Variants in ASPH observed in about 807,000 individuals in gnomAD.
The protein encoded by ASPH is aspartate beta-hydroxylase, also known as aspartyl/asparaginyl beta-hydroxylase.
In ASPH, 100 loss-of-function variants were observed where a neutral mutation model predicts 118.4. That is an observed-to-expected ratio of 0.84 (90% confidence interval 0.72 to 1.00). The LOEUF (loss-of-function observed/expected upper bound fraction) is 1.00, where lower values mean the gene tolerates loss of function less well. Among genes scored for constraint, ASPH ranks in the 50% least tolerant of loss-of-function variants. ASPH has a pLI of 0.00. For synonymous variants in ASPH, 315 were observed against 325.6 expected (o/e 0.97, Z 0.35); for missense variants, 920 against 919.5 (o/e 1.00, Z -0.01).
At chr8:61,704,064 G>T (rs984757841) in intron 1 of ASPH, among the ~76,000 whole-genome samples, 1 of 150,244 alleles carries the variant, frequency 6.7e-6, no homozygotes, top group Non-Finnish European at 1.5e-5. Flanking sequence ...GCGTAGTGGC[G>T]GGCGCCTGTA....
At chr8:61,599,416 A>C (rs1172828799) in intron 14 of ASPH, among the ~76,000 whole-genome samples, 1 of 151,938 alleles carries the variant, frequency 6.6e-6, no homozygotes, top group Non-Finnish European at 1.5e-5. Flanking sequence ...ACATGTATAC[A>C]TATGTAACAA....
intron 3 of ASPH, among the ~76,000 whole-genome samples, chr8:61,680,312 A>G (rs1302884822): frequency 6.6e-6 from 1 of 151,898 alleles, no homozygotes; most frequent in Non-Finnish European, 1.5e-5. Flanking sequence ...TAAAATTTGC[A>G]TATTGAAATT....
intron 3 of ASPH, chr8:61,675,307 A>C: frequency 1.1e-6 from 1 of 912,556 alleles, no homozygotes; most frequent in Non-Finnish European, 1.3e-6. Context: ...ACATATTCAC[A>C]TGTTCCCTCT....
chr8:61,513,373 T>C (rs1056178108), intron 24 of ASPH, among the ~76,000 whole-genome samples: 1 of 152,220 alleles, frequency 6.6e-6, no homozygotes, highest in East Asian at 1.9e-4. Flanking sequence ...CACAGCACTT[T>C]AATTGACCCA....
intron 15 of ASPH, among the ~76,000 whole-genome samples, chr8:61,580,349 C>T (rs936441336): frequency 1.0e-3 from 157 of 152,298 alleles, no homozygotes; most frequent in African/African-American, 3.6e-3. Context: ...GGGCTCCACC[C>T]GTACAGCAAA....
intron 13 of ASPH, 103 bp downstream of exon 13, chr8:61,633,580 C>G: frequency 1.9e-6 from 2 of 1,045,646 alleles, no homozygotes; most frequent in Non-Finnish European, 2.7e-6. Flanking sequence ...TAATCTCTCT[C>G]AAAATTTTTA....
At chr8:61,523,671 C>T (rs899643596) in intron 22 of ASPH, among the ~76,000 whole-genome samples, 3 of 150,968 alleles carry the variant, frequency 2.0e-5, no homozygotes, top group African/African-American at 7.3e-5. Context: ...TACTGGATTC[C>T]CCCACTAGAA....
chr8:61,556,437 C>T lies in ASPH; in HGVS notation c.1438-415G>A, dbSNP rs893135760. 5.3e-4 allele frequency among the ~76,000 whole-genome samples: 81 copies of T among 152,288 alleles called. 1 individual carries two copies. The highest frequency in any genetic ancestry group is 4.0e-4 in the Non-Finnish European group (27 of 68,018). On this transcript the variant is annotated intron_variant, in intron 18 of 24. Transcript: ENST00000379454. ...TGGTTATTAGACATCACTTCATATA[C>T]AAGCTTTATACATTGCCTTAATTAA...
intron 17 of ASPH, among the ~76,000 whole-genome samples, chr8:61,563,771 A>G (rs1229191723): frequency 6.6e-6 from 1 of 152,108 alleles, no homozygotes; most frequent in African/African-American, 2.4e-5. Flanking sequence ...CCTTCCCCCT[A>G]TCTGCCCACC....
At chr8:61,680,934 C>A (rs1188944190) in intron 3 of ASPH, 34 bp downstream of exon 3, 2 of 1,529,150 alleles carry the variant, frequency 1.3e-6, no homozygotes, top group Non-Finnish European at 1.8e-6. Flanking sequence ...AGCATTTTAT[C>A]ACCACTAACA....
At chr8:61,574,763 G>A (rs915470480) in intron 16 of ASPH, among the ~76,000 whole-genome samples, 1 of 152,146 alleles carries the variant, frequency 6.6e-6, no homozygotes, top group Non-Finnish European at 1.5e-5. Flanking sequence ...GTTGATGGGT[G>A]CAGCAAACCA....
At chr8:61,692,566 T>C (rs1832874871) in intron 1 of ASPH, among the ~76,000 whole-genome samples, 1 of 152,058 alleles carries the variant, frequency 6.6e-6, no homozygotes, top group South Asian at 2.1e-4. Context: ...GCCCACTGAG[T>C]CGAGGGTTCT....
chr8:61,643,655 T>C (rs1359300432), intron 8 of ASPH, among the ~76,000 whole-genome samples: 1 of 152,242 alleles, frequency 6.6e-6, no homozygotes, highest in Non-Finnish European at 1.5e-5. Flanking sequence ...AATGACTTTA[T>C]AGTACATCAT....
In ASPH at chr8:61,553,285, T is replaced by C. The variant is rs532296098; in HGVS notation, c.1537-165A>G. Among the ~76,000 whole-genome samples, 93 of 152,300 alleles carry C rather than the reference T, an allele frequency of 6.1e-4. 1 individual carries two copies. In the Middle Eastern group the frequency reaches 0.027, roughly 45 times the overall value. ...TGAGGTTACTGGTCAACATTTGCAA[T>C]GCCAAAACAAAAGGAGGTCATAAAG... On this transcript the variant is annotated intron_variant, in intron 19 of 24. Transcript: ENST00000379454.
intron 14 of ASPH, among the ~76,000 whole-genome samples, chr8:61,597,592 A>G (rs1417690203): frequency 6.6e-6 from 1 of 152,238 alleles, no homozygotes; most frequent in Non-Finnish European, 1.5e-5. Flanking sequence ...CATTACAGTA[A>G]AACTGTCAAA....
chr8:61,525,849 G>C, intron 22 of ASPH, 128 bp downstream of exon 22: 2 of 1,337,758 alleles, frequency 1.5e-6, no homozygotes, highest in South Asian at 2.9e-5. Flanking sequence ...AAAAATCTAG[G>C]TTTTTTTGGG....
intron 5 of ASPH, among the ~76,000 whole-genome samples, chr8:61,648,536 T>C (rs1809222274): frequency 6.6e-6 from 1 of 152,254 alleles, no homozygotes. Context: ...TCTTTCCTTA[T>C]TCTTCTTTCA....
intron 3 of ASPH, among the ~76,000 whole-genome samples, chr8:61,667,275 A>G (rs997308174): frequency 1.3e-5 from 2 of 152,206 alleles, no homozygotes; most frequent in African/African-American, 4.8e-5. Flanking sequence ...TATGACTACT[A>G]ACATATGAAC....
chr8:61,519,765 C>A (rs1812287900), intron 22 of ASPH, among the ~76,000 whole-genome samples: 1 of 152,164 alleles, frequency 6.6e-6, no homozygotes, highest in Admixed American at 6.5e-5. Flanking sequence ...AAGGGGGCCA[C>A]AAGCCGGGGA....
Sources: allele counts gnomAD v4.1 joint callset (sites outside exome capture counted in the v4.1 genomes callset), GRCh38; gene constraint gnomAD v4.1.1; transcripts MANE v1.5; gene names NCBI Gene and HGNC (gene_info 2026-07-23, HGNC 2026-07-21).